The following TRIM26 variants were observed in gnomAD, a reference collection of about 807,000 sequenced individuals.
The protein encoded by TRIM26 is tripartite motif containing 26.
In TRIM26, 16 loss-of-function variants were observed where a neutral mutation model predicts 45.5. That is an observed-to-expected ratio of 0.35 (90% confidence interval 0.24 to 0.53). The LOEUF (loss-of-function observed/expected upper bound fraction) is 0.53, where lower values mean the gene tolerates loss of function less well. Among genes scored for constraint, TRIM26 ranks in the 20% least tolerant of loss-of-function variants. TRIM26 has a pLI of 0.92. For missense variants in TRIM26, 442 were observed against 691.1 expected, an observed-to-expected ratio of 0.64 and a Z score of 4.04; for synonymous variants, 273 against 290.4, an observed-to-expected ratio of 0.94 and a Z score of 0.61.
At chr6:30,197,919 G>A (rs555347672) in intron 5 of TRIM26, among the ~76,000 whole-genome samples, 1 of 152,290 alleles carries the variant, frequency 6.6e-6, no homozygotes, top group African/African-American at 2.4e-5. Context: ...CCACTGTACT[G>A]GCAACCATGA....
chr6:30,200,845 T>TA (rs1777091967), intron 3 of TRIM26, among the ~76,000 whole-genome samples, 190 bp downstream of exon 3: 1 of 152,220 alleles, frequency 6.6e-6, no homozygotes, highest in African/African-American at 2.4e-5. Context: ...GGAAAAGTGC[T>TA]AAGCACAAGC....
rs1209963901 is a variant in TRIM26, at chr6:30,207,862, G to A, written c.-375-3097C>T. On this transcript the variant is annotated intron_variant, in intron 1 of 9. Coordinates refer to ENST00000454678, the MANE Select transcript of TRIM26 (RefSeq NM_003449.5). The surrounding 1 kb of genome is among the most constrained non-coding windows in gnomAD (Gnocchi z 4.9). ...ACTTAGCAAATGCCTTTTCTAGCTT[G>A]AAGTCTCAGCTGAAAGCCACCTCCT... Among the ~76,000 whole-genome samples, 2 of 152,188 alleles carry A rather than the reference G, an allele frequency of 1.3e-5. No individual in the cohort carries two copies. The highest frequency in any genetic ancestry group is 4.8e-5 in the African/African-American group (2 of 41,440).
intron 6 of TRIM26, among the ~76,000 whole-genome samples, chr6:30,192,385 A>G (rs533665874): frequency 6.6e-6 from 1 of 152,254 alleles, no homozygotes; most frequent in African/African-American, 2.4e-5. Context: ...GGCAGGATGC[A>G]GTGTCTCTCT....
In TRIM26 at chr6:30,190,367, C is replaced by T. The variant is rs539149030; in HGVS notation, c.766-332G>A. ...AAGGGCTTGGTGAGAACGGCAGAGG[C>T]CAGACTGCGCAGGGCTGGATATGCA... On this transcript the variant is annotated intron_variant, in intron 6 of 9. Transcript: ENST00000454678. This position sits in a 1 kb window ranked among gnomAD's most constrained non-coding sequence, Gnocchi z 4.3. The T allele has an allele frequency of 2.3e-4, 104 of 443,902 alleles. No homozygotes were observed. The highest frequency in any genetic ancestry group is 1.9e-3 in the African/African-American group (98 of 50,628). 27.5% of individuals were successfully genotyped at this position (443,902 alleles called of 1,614,324 possible).
Position 30,189,087 on chromosome 6 carries a change from A to G in TRIM26, c.937+80T>C. 6.7e-7 allele frequency: 1 copy of G among 1,492,678 alleles called. No individual in the cohort carries two copies. Among genetic ancestry groups the G allele is most frequent in the Non-Finnish European group, 9.1e-7 (1 of 1,099,490 alleles). The allele number at this position is 1,492,678 out of a possible 1,614,324, so 92.5% of individuals were successfully genotyped here. On this transcript the variant is annotated intron_variant, in intron 9 of 9. Coordinates refer to ENST00000454678, the MANE Select transcript of TRIM26 (RefSeq NM_003449.5). The surrounding 1 kb of genome is among the most constrained non-coding windows in gnomAD (Gnocchi z 5.0). ...TGTTGCAAAAGGGGCTACCTGGGGG[A>G]AAAGTGAGCAGTCAGAATCTCTGCA...
Position 30,189,838 on chromosome 6 carries a change from AAGTCTCC to A in TRIM26, c.788+168_788+174del. 2.7e-6 allele frequency: 2 copies of A among 742,030 alleles called. No individual in the cohort carries two copies. Among genetic ancestry groups the A allele is most frequent in the South Asian group, 3.5e-5 (2 of 57,354 alleles). The allele number at this position is 742,030 out of a possible 1,614,324, so 46.0% of individuals were successfully genotyped here. On this transcript the variant is annotated intron_variant, in intron 7 of 9. Transcript: ENST00000454678. The surrounding 1 kb of genome is among the most constrained non-coding windows in gnomAD (Gnocchi z 5.0). ...CACAGAGAACCATAAGGAGGAGAGC[AAGTCTCC>A]AGTTCTCAATGATGTGTCCTGCTCC...
At chr6:30,205,647 G>C (rs1435676855) in intron 1 of TRIM26, among the ~76,000 whole-genome samples, 1 of 152,206 alleles carries the variant, frequency 6.6e-6, no homozygotes, top group African/African-American at 2.4e-5. Flanking sequence ...AGACCAGCCT[G>C]GGTAATATAG....
chr6:30,189,357 G>C lies in TRIM26; in HGVS notation c.904+61C>G. On this transcript the variant is annotated intron_variant, in intron 8 of 9. Coordinates refer to ENST00000454678, the MANE Select transcript of TRIM26 (RefSeq NM_003449.5). This position sits in a 1 kb window ranked among gnomAD's most constrained non-coding sequence, Gnocchi z 5.0. ...AAGGTGATGGAAAGGAGCTGGGTGC[G>C]CTCTTTCTACGAGGTAGCCCTGCTC... 6.3e-7 allele frequency: 1 copy of C among 1,576,802 alleles called. No individual in the cohort carries two copies. Among genetic ancestry groups the C allele is most frequent in the South Asian group, 1.1e-5 (1 of 90,344 alleles).
Position 30,199,122 on chromosome 6 carries a change from A to C in TRIM26, c.-19T>G, listed in dbSNP as rs747038508. ...TGGCCATGGTATCCTTAGTTCAGAG[A>C]GGTCTCCGTTCACTGGTGAGGACTT... On this transcript the variant is annotated 5_prime_UTR_variant, in exon 4 of 10. Transcript: ENST00000454678. 5 of 1,532,866 alleles carry C rather than the reference A, an allele frequency of 3.3e-6. No individual in the cohort carries two copies. Among genetic ancestry groups the C allele is most frequent in the Non-Finnish European group, 4.4e-6 (5 of 1,137,660 alleles). 95.0% of individuals were successfully genotyped at this position (1,532,866 alleles called of 1,614,324 possible).
At chr6:30,199,627 G>A (rs529441092) in intron 3 of TRIM26, among the ~76,000 whole-genome samples, 68 of 140,836 alleles carry the variant, frequency 4.8e-4, no homozygotes, top group African/African-American at 1.3e-3. Flanking sequence ...GAGACCGCCC[G>A]TTTTTTTTTT....
At position 30,198,910 on chromosome 6, in the gene TRIM26, A is replaced by C; in HGVS notation, c.194T>G (p.Ile65Ser). The change falls in exon 4 of 10, where the codon ATC becomes AGC. Residue 65 changes from isoleucine (I) to serine (S), a missense_variant. By Grantham distance (142) the Ile-to-Ser change is moderately radical. Coordinates refer to ENST00000454678, the MANE Select transcript of TRIM26 (RefSeq NM_003449.5). The surrounding 1 kb of genome is among the most constrained non-coding windows in gnomAD (Gnocchi z 6.3). ...LCKKPFKKENIRPVWQLASLV... is the reference protein window; with the variant it reads ...LCKKPFKKENSRPVWQLASLV... ...GCTGGCCAGTTGCCACACGGGTCGG[A>C]TGTTCTCCTTCTTAAAAGGCTTCTT... 1 of 1,612,510 alleles carries C rather than the reference A, an allele frequency of 6.2e-7. No individual in the cohort carries two copies. Among genetic ancestry groups the C allele is most frequent in the Non-Finnish European group, 8.5e-7 (1 of 1,179,822 alleles).
chr6:30,204,278 C>T (rs1012797457), intron 2 of TRIM26, among the ~76,000 whole-genome samples: 5 of 152,164 alleles, frequency 3.3e-5, no homozygotes, highest in African/African-American at 9.7e-5. Flanking sequence ...CTCTTCCCTA[C>T]CCAGGCACAC....
Position 30,189,638 on chromosome 6 carries a change from T to C in TRIM26, c.789-105A>G. 3 of 994,042 alleles carry C rather than the reference T, an allele frequency of 3.0e-6. No homozygotes were observed. The highest frequency in any genetic ancestry group is 4.6e-6 in the Non-Finnish European group (3 of 650,872). 61.6% of individuals were successfully genotyped at this position (994,042 alleles called of 1,614,324 possible). On this transcript the variant is annotated intron_variant, in intron 7 of 9. Transcript: ENST00000454678. This position sits in a 1 kb window ranked among gnomAD's most constrained non-coding sequence, Gnocchi z 5.0. The stretch of plus-strand genomic sequence containing the variant: ...AATTATGAAGGGGAGAGGAAAGGTA[T>C]GATTATCCCCAAACAAGTGACAGAA...
Position 30,198,462 on chromosome 6 carries a change from C to G in TRIM26, c.501G>C (p.Gln167His). 1.2e-6 allele frequency: 2 copies of G among 1,613,118 alleles called. No individual in the cohort carries two copies. Among genetic ancestry groups the G allele is most frequent in the South Asian group, 2.2e-5 (2 of 91,086 alleles). The stretch of plus-strand genomic sequence containing the variant: ...CCAGGATATCAGCTTCTCCCTTTGC[C>G]TGGAAGCCCTGAATTTTGTCTCTGT... ...RRDRDKIQGF[Q>H]AKGEADILAA... The change falls in exon 5 of 10, where the codon CAG becomes CAC. Residue 167 changes from glutamine to histidine, a missense_variant. Coordinates refer to ENST00000454678, the MANE Select transcript of TRIM26 (RefSeq NM_003449.5). This position sits in a 1 kb window ranked among gnomAD's most constrained non-coding sequence, Gnocchi z 6.3.
intron 3 of TRIM26, 97 bp from the exon 4 acceptor site, chr6:30,199,361 A>T (rs536063478): frequency 2.4e-6 from 1 of 418,524 alleles, no homozygotes; most frequent in South Asian, 9.0e-5. Context: ...CAGAAAGATT[A>T]GCTTGGTAGA....
rs1269810697 is a variant in TRIM26 at position 30,196,232 on chromosome 6, G to A, written c.765+284C>T. 1.8e-4 allele frequency among the ~76,000 whole-genome samples: 28 copies of A among 152,220 alleles called. No homozygotes were observed. The highest frequency in any genetic ancestry group is 1.3e-4 in the Non-Finnish European group (9 of 68,048). On this transcript the variant is annotated intron_variant, in intron 6 of 9. Transcript: ENST00000454678. The surrounding 1 kb of genome is among the most constrained non-coding windows in gnomAD (Gnocchi z 4.9). ...TGTGATGGCAGTGATGAGGATGGAG[G>A]ATGGTAAATGATATTAATAATCTTC...
At position 30,189,117 on chromosome 6, in the gene TRIM26, G is replaced by A. The variant is rs1775531414; in HGVS notation, c.937+50C>T. ...TGAGCAGTCAGAATCTCTGCAGGCG[G>A]AGTTTTCTATATTTGATGTACATCT... On this transcript the variant is annotated intron_variant, in intron 9 of 9. Coordinates refer to ENST00000454678, the MANE Select transcript of TRIM26 (RefSeq NM_003449.5). This position sits in a 1 kb window ranked among gnomAD's most constrained non-coding sequence, Gnocchi z 5.0. 6.3e-7 allele frequency: 1 copy of A among 1,584,884 alleles called. No individual in the cohort carries two copies. Among genetic ancestry groups the A allele is most frequent in the South Asian group, 1.1e-5 (1 of 87,552 alleles).
chr6:30,210,513 T>C (rs938669161), intron 1 of TRIM26, among the ~76,000 whole-genome samples: 1 of 152,222 alleles, frequency 6.6e-6, no homozygotes, highest in African/African-American at 2.4e-5. Flanking sequence ...TTGCATACAC[T>C]GTATTTCTAC....
chr6:30,189,639 G>T lies in TRIM26; in HGVS notation c.789-106C>A. The T allele has an allele frequency of 1.0e-6, 1 of 984,472 alleles. No homozygotes were observed. The highest frequency in any genetic ancestry group is 1.6e-6 in the Non-Finnish European group (1 of 643,050). The allele number at this position is 984,472 out of a possible 1,614,324, so 61.0% of individuals were successfully genotyped here. A position where few individuals can be genotyped will look rare whatever the true frequency, so the allele number is the denominator to read the frequency against. On this transcript the variant is annotated intron_variant, in intron 7 of 9. Transcript: ENST00000454678. The surrounding 1 kb of genome is among the most constrained non-coding windows in gnomAD (Gnocchi z 5.0). ...ATTATGAAGGGGAGAGGAAAGGTAT[G>T]ATTATCCCCAAACAAGTGACAGAAA...
Sources: allele counts gnomAD v4.1 joint callset (sites outside exome capture counted in the v4.1 genomes callset), GRCh38; gene constraint gnomAD v4.1.1; non-coding constraint Gnocchi (gnomAD v3.1); transcripts MANE v1.5; gene names NCBI Gene and HGNC (gene_info 2026-07-23, HGNC 2026-07-21).